COL11A1: variants seen among roughly 807,000 people sequenced by gnomAD.
The protein encoded by COL11A1 is collagen type XI alpha 1 chain.
In COL11A1, 74 loss-of-function variants were observed where a neutral mutation model predicts 265.2. That is an observed-to-expected ratio of 0.28 (90% CI 0.23 to 0.34). The LOEUF is 0.34. Ranked by LOEUF, COL11A1 falls within the 10% of genes least tolerant of loss-of-function variation. The pLI is 1.00. For synonymous variants in COL11A1, 816 were observed against 727.6 expected (o/e 1.12, Z -1.96); for missense variants, 2,165 against 2,263.6 (o/e 0.96, Z 0.88).
chr1:103,016,840 C>G (rs1237542060), intron 11 of COL11A1, among the ~76,000 whole-genome samples: 1 of 151,870 alleles, frequency 6.6e-6, no homozygotes, highest in Non-Finnish European at 1.5e-5. Flanking sequence ...CCTAACAAAT[C>G]TAGCTTGAAT....
At chr1:103,070,967 CA>C (rs957289528) in intron 4 of COL11A1, among the ~76,000 whole-genome samples, 4 of 151,924 alleles carry the variant, frequency 2.6e-5, no homozygotes, top group African/African-American at 7.2e-5. Flanking sequence ...AACGCCATCT[CA>C]AAAAAGTTTG....
chr1:103,056,452 G>C (rs955547972), intron 4 of COL11A1, among the ~76,000 whole-genome samples: 2 of 152,144 alleles, frequency 1.3e-5, no homozygotes, highest in Admixed American at 6.6e-5. Context: ...ACTTCCAAGA[G>C]TTAAAAACAC....
intron 44 of COL11A1, among the ~76,000 whole-genome samples, chr1:102,935,473 C>A (rs1658043777): frequency 6.6e-6 from 1 of 151,886 alleles, no homozygotes; most frequent in South Asian, 2.1e-4. Flanking sequence ...AGGAAAGGGC[C>A]CATGAAAAAA....
At chr1:103,017,746 T>C (rs1162002111) in intron 11 of COL11A1, 74 bp downstream of exon 11, 1 of 1,290,198 alleles carries the variant, frequency 7.8e-7, no homozygotes, top group Non-Finnish European at 1.1e-6. Context: ...CATGTTATAC[T>C]TGTAGAATAC....
intron 41 of COL11A1, among the ~76,000 whole-genome samples, chr1:102,957,443 G>A (rs1277755927): frequency 6.6e-6 from 1 of 151,912 alleles, no homozygotes; most frequent in Non-Finnish European, 1.5e-5. Context: ...TGCAATGAGG[G>A]AATTTATTAT....
intron 1 of COL11A1, among the ~76,000 whole-genome samples, chr1:103,085,268 C>T (rs986003902): frequency 6.6e-6 from 1 of 152,156 alleles, no homozygotes; most frequent in Non-Finnish European, 1.5e-5. Context: ...CATTTCCAAC[C>T]TGCTTATCCC....
At chr1:103,016,771 A>C (rs376439918) in intron 11 of COL11A1, among the ~76,000 whole-genome samples, 4 of 152,012 alleles carry the variant, frequency 2.6e-5, no homozygotes, top group South Asian at 2.1e-4. Context: ...TACAAGTTTC[A>C]AGGAACTGTT....
rs199835797 is a variant in COL11A1, at chr1:103,004,611, C to T, written c.1896G>A (p.Met632Ile). 2.1e-4 allele frequency: 330 copies of T among 1,609,190 alleles called. 1 individual carries two copies. Among genetic ancestry groups the T allele is most frequent in the Non-Finnish European group, 3.5e-5 (41 of 1,177,650 alleles). Residue 632 changes from methionine (M) to isoleucine (I), a missense_variant, in exon 19 of 67, where the codon ATG (methionine) becomes ATA (isoleucine). Physicochemically the swap from Met to Ile is conservative, Grantham distance 10. Coordinates refer to ENST00000370096, the MANE Select transcript of COL11A1 (RefSeq NM_001854.4). ...GPPGPPGDDG[M>I]RGEDGEIGPR... ...AAGAAAAGAAGTATTAACATACCCT[C>T]ATTCCATCATCACCAGGAGGACCTG...
At chr1:102,927,873 C>T (rs1046283660) in intron 46 of COL11A1, among the ~76,000 whole-genome samples, 94 of 152,142 alleles carry the variant, frequency 6.2e-4, no homozygotes, top group African/African-American at 2.2e-3. Flanking sequence ...TTAACATGTG[C>T]TGTTGGCAGT....
At chr1:102,907,353 C>A (rs1321122892) in intron 54 of COL11A1, among the ~76,000 whole-genome samples, 1 of 152,024 alleles carries the variant, frequency 6.6e-6, no homozygotes, top group Non-Finnish European at 1.5e-5. Context: ...GGGAACTCAA[C>A]TAATGTACTA....
At chr1:102,894,166 A>G (rs2100890017) in intron 57 of COL11A1, among the ~76,000 whole-genome samples, 1 of 152,314 alleles carries the variant, frequency 6.6e-6, no homozygotes, top group South Asian at 2.1e-4. Context: ...TTTTAGTTTT[A>G]AAAGTGACTA....
intron 4 of COL11A1, among the ~76,000 whole-genome samples, chr1:103,064,568 G>A (rs1244570640): frequency 6.6e-6 from 1 of 151,888 alleles, no homozygotes; most frequent in Non-Finnish European, 1.5e-5. Flanking sequence ...GTGGGTGCCT[G>A]TAGTCCCAGC....
chr1:103,014,625 A>G, intron 12 of COL11A1, 31 bp from the exon 13 acceptor site: 1 of 1,576,210 alleles, frequency 6.3e-7, no homozygotes, highest in Non-Finnish European at 8.7e-7. Context: ...GAAATTCAAA[A>G]TTAGCTTTGT....
At chr1:102,919,760 G>C (rs1314532602) in intron 49 of COL11A1, among the ~76,000 whole-genome samples, 1 of 152,014 alleles carries the variant, frequency 6.6e-6, no homozygotes, top group African/African-American at 2.4e-5. Context: ...TCTGAGCCCA[G>C]ATATTGTGGT....
rs1042694176 is a variant in COL11A1 at position 102,931,541 on chromosome 1, T to G, written c.3600+2908A>C. Among the ~76,000 whole-genome samples, 301 of 151,866 alleles carry G rather than the reference T, an allele frequency of 2.0e-3. 1 individual carries two copies. Among genetic ancestry groups the G allele is most frequent in the African/African-American group, 6.9e-3 (286 of 41,392 alleles). On this transcript the variant is annotated intron_variant, in intron 46 of 66. Transcript: ENST00000370096. ...TGTGGTCAATTTTGGAATAGGTGTT[T>G]TGTGGTGCTGAAAAAAATGTATATT...
chr1:102,985,624 A>G (rs1043744229), intron 30 of COL11A1, among the ~76,000 whole-genome samples: 1 of 152,124 alleles, frequency 6.6e-6, no homozygotes, highest in African/African-American at 2.4e-5. Context: ...ATTCTGGCAG[A>G]AAGTTTGTAT....
At chr1:102,900,881 T>G (rs1225350176) in intron 54 of COL11A1, among the ~76,000 whole-genome samples, 1 of 152,174 alleles carries the variant, frequency 6.6e-6, no homozygotes, top group Non-Finnish European at 1.5e-5. Context: ...TATTTATTCC[T>G]TATATGTTTT....
Position 103,022,861 on chromosome 1 carries a change from C to T in COL11A1, c.1126G>A (p.Gly376Arg). The change falls in exon 8 of 67, where the codon GGA (glycine) becomes AGA (arginine). Residue 376 changes from glycine (G) to arginine (R), a missense_variant. Coordinates refer to ENST00000370096, the MANE Select transcript of COL11A1 (RefSeq NM_001854.4). Reference protein sequence around the residue: ...DGRDSDLLVDGDLGEYDFYEY... With the variant: ...DGRDSDLLVDRDLGEYDFYEY... The stretch of plus-strand genomic sequence containing the variant: ...TAAAAATCATATTCGCCTAAATCTC[C>T]ATCTACCAGAAGATCAGAATCCCTG... The T allele has an allele frequency of 6.2e-7, 1 of 1,613,922 alleles. No homozygotes were observed. The highest frequency in any genetic ancestry group is 8.5e-7 in the Non-Finnish European group (1 of 1,179,958).
intron 2 of COL11A1, among the ~76,000 whole-genome samples, chr1:103,081,768 G>C (rs115264484): frequency 0.01 from 1,572 of 152,002 alleles, 27 homozygotes; most frequent in African/African-American, 0.036. Flanking sequence ...AGGATAATAT[G>C]AAGAATTTAA....
Sources: gnomAD v4.1 joint callset for allele counts (sites outside exome capture counted in the v4.1 genomes callset) on GRCh38, gnomAD v4.1.1 for gene constraint, MANE v1.5 for transcripts, NCBI Gene and HGNC (gene_info 2026-07-23, HGNC 2026-07-21) for gene names.